UBXN4: variants seen among roughly 807,000 people sequenced by gnomAD.
UBXN4 encodes the protein UBX domain protein 4.
In UBXN4, 35 loss-of-function variants were observed where a neutral mutation model predicts 66.2. The observed-to-expected ratio is 0.53, with a 90% CI of 0.40 to 0.70. UBXN4 has a LOEUF of 0.70. Ranked by LOEUF, UBXN4 falls within the 30% of genes least tolerant of loss-of-function variation. The probability of loss-of-function intolerance (pLI) is 0.00; values close to 1 mark genes in which losing one functional copy is unlikely to be tolerated. For synonymous variants in UBXN4, 203 were observed against 204.5 expected, an observed-to-expected ratio of 0.99 and a Z score of 0.06; for missense variants, 533 against 599.8, an observed-to-expected ratio of 0.89 and a Z score of 1.16.
chr2:135,748,195 G>A (rs2077220989), intron 1 of UBXN4, 72 bp from the exon 2 acceptor site: 8 of 1,211,628 alleles, frequency 6.6e-6, no homozygotes, highest in African/African-American at 3.1e-5. Context: ...TGAGGTTTCC[G>A]TTTTCCAGGG....
chr2:135,782,704 T>G (rs747641956), intron 12 of UBXN4, 45 bp from the exon 13 acceptor site: 1 of 1,596,334 alleles, frequency 6.3e-7, no homozygotes, highest in South Asian at 1.1e-5. Context: ...TACTATTGTT[T>G]TTATTTTATG....
intron 6 of UBXN4, among the ~76,000 whole-genome samples, chr2:135,768,075 A>T (rs935174221): frequency 1.3e-5 from 2 of 152,168 alleles, no homozygotes; most frequent in African/African-American, 2.4e-5. Context: ...ATTTTCATTT[A>T]AAAAAATGAA....
intron 2 of UBXN4, among the ~76,000 whole-genome samples, chr2:135,748,968 T>G (rs552271314): frequency 6.6e-6 from 1 of 151,404 alleles, no homozygotes; most frequent in Admixed American, 6.6e-5. Context: ...CCCAGGAGGT[T>G]GAAGTTGAGG....
At chr2:135,747,348 C>CAAAAAAAAAAAAAAAAAA (rs138276089) in intron 1 of UBXN4, among the ~76,000 whole-genome samples, 1 of 83,514 alleles carries the variant, frequency 1.2e-5, no homozygotes, top group Non-Finnish European at 2.4e-5. Flanking sequence ...AACTCCATCT[C>CAAAAAAAAAAAAAAAAAA]AAAAAAAAAA....
intron 4 of UBXN4, 41 bp from the exon 5 acceptor site, chr2:135,755,476 T>A (rs2077273942): frequency 1.4e-6 from 2 of 1,454,466 alleles, no homozygotes; most frequent in Non-Finnish European, 1.8e-6. Context: ...TAAGTTTAGA[T>A]TCTTATCTAT....
chr2:135,775,195 TGGGATTGTAAA>T (rs2077406195), intron 9 of UBXN4, among the ~76,000 whole-genome samples: 2 of 152,210 alleles, frequency 1.3e-5, no homozygotes, highest in Admixed American at 6.5e-5. Flanking sequence ...GTGTTACTGG[TGGGATTGTAAA>T]ATGATGTAGC....
chr2:135,763,939 A>G (rs539418457), intron 6 of UBXN4, among the ~76,000 whole-genome samples: 1 of 152,256 alleles, frequency 6.6e-6, no homozygotes, highest in South Asian at 2.1e-4. Context: ...AGCCTGGCCA[A>G]CGTGGCGAAA....
intron 4 of UBXN4, among the ~76,000 whole-genome samples, chr2:135,754,612 C>T (rs1032122174): frequency 1.6e-4 from 24 of 151,794 alleles, no homozygotes; most frequent in African/African-American, 5.3e-4. Context: ...TGTGAGCCAC[C>T]GCACCCTTCC....
chr2:135,779,811 A>G lies in UBXN4; in HGVS notation c.1186-372A>G, dbSNP rs929224577. 3.4e-5 allele frequency among the ~76,000 whole-genome samples: 5 copies of G among 147,526 alleles called. No individual in the cohort carries two copies. The East Asian group carries it at 1.0e-3, about 30-fold the overall frequency. On this transcript the variant is annotated intron_variant, in intron 11 of 12. Coordinates refer to ENST00000272638, the MANE Select transcript of UBXN4 (RefSeq NM_014607.4). ...ATAACATAAAATTACAATTGTATATATAATATACAATATTATACAATTATA... is the reference window on the plus strand; with the variant it reads ...ATAACATAAAATTACAATTGTATATGTAATATACAATATTATACAATTATA...
At chr2:135,769,195 T>A (rs1241584336) in intron 6 of UBXN4, among the ~76,000 whole-genome samples, 1 of 151,900 alleles carries the variant, frequency 6.6e-6, no homozygotes, top group Non-Finnish European at 1.5e-5. Flanking sequence ...AGAGACAGAG[T>A]TTTGCCATGT....
chr2:135,757,601 T>A lies in UBXN4; in HGVS notation c.508+1910T>A, dbSNP rs539564007. ...GGTCACATTTTCTTGTTTGTTCATA[T>A]GTCAAAAAATGCTGGATTGTATCTT... On this transcript the variant is annotated intron_variant, in intron 5 of 12. Coordinates refer to ENST00000272638, the MANE Select transcript of UBXN4 (RefSeq NM_014607.4). 2.2e-4 allele frequency among the ~76,000 whole-genome samples: 34 copies of A among 152,294 alleles called. 1 individual carries two copies. Among genetic ancestry groups the A allele is most frequent in the South Asian group, 2.1e-3 (10 of 4,830 alleles).
intron 5 of UBXN4, among the ~76,000 whole-genome samples, chr2:135,760,742 A>G (rs540650662): frequency 1.3e-5 from 2 of 152,336 alleles, no homozygotes; most frequent in Admixed American, 1.3e-4. Context: ...AGTGGTTACC[A>G]CTTCTTATCC....
chr2:135,743,475 G>C (rs998514645), intron 1 of UBXN4, among the ~76,000 whole-genome samples: 1 of 152,106 alleles, frequency 6.6e-6, no homozygotes, highest in African/African-American at 2.4e-5. Flanking sequence ...AATAGAACAG[G>C]TTTAATTATC....
In UBXN4 at chr2:135,764,160, A is replaced by G. The variant is rs200681645; in HGVS notation, c.602+2249A>G. Among the ~76,000 whole-genome samples, 19 of 152,172 alleles carry G rather than the reference A, an allele frequency of 1.2e-4. No homozygotes were observed. In the East Asian group the frequency reaches 3.3e-3, roughly 26 times the overall value. ...AATAAAATAAAATAAAAAATAAAGCAGGATGGATTAGCAAATGTAAGATTC... is the reference window on the plus strand; with the variant it reads ...AATAAAATAAAATAAAAAATAAAGCGGGATGGATTAGCAAATGTAAGATTC... On this transcript the variant is annotated intron_variant, in intron 6 of 12. Coordinates refer to ENST00000272638, the MANE Select transcript of UBXN4 (RefSeq NM_014607.4).
chr2:135,748,107 C>T, intron 1 of UBXN4, 160 bp from the exon 2 acceptor site: 1 of 488,614 alleles, frequency 2.0e-6, no homozygotes, highest in Non-Finnish European at 3.6e-6. Flanking sequence ...ACTGTGTATG[C>T]AGTCACACTT....
At chr2:135,772,020 G>A (rs1321768929) in intron 8 of UBXN4, among the ~76,000 whole-genome samples, 2 of 152,162 alleles carry the variant, frequency 1.3e-5, no homozygotes, top group Non-Finnish European at 2.9e-5. Context: ...CACATATGGT[G>A]TTAGACAATT....
chr2:135,762,361 A>G (rs1335210910), intron 6 of UBXN4, among the ~76,000 whole-genome samples: 7 of 152,210 alleles, frequency 4.6e-5, no homozygotes, highest in Admixed American at 4.6e-4. Context: ...TGTAGTTTCT[A>G]GTATTTTTAA....
chr2:135,769,665 T>C, intron 6 of UBXN4, 104 bp from the exon 7 acceptor site: 1 of 873,090 alleles, frequency 1.1e-6, no homozygotes, highest in Non-Finnish European at 1.6e-6. Context: ...TGTTTGTTTG[T>C]TTCTTTATTT....
chr2:135,781,179 A>G (rs1464458401), intron 12 of UBXN4, among the ~76,000 whole-genome samples: 1 of 152,258 alleles, frequency 6.6e-6, no homozygotes, highest in Non-Finnish European at 1.5e-5. Context: ...AGATTGTGCC[A>G]TTGCACTCCA....
Sources: gnomAD v4.1 joint callset for allele counts (sites outside exome capture counted in the v4.1 genomes callset) on GRCh38, gnomAD v4.1.1 for gene constraint, MANE v1.5 for transcripts, NCBI Gene and HGNC (gene_info 2026-07-23, HGNC 2026-07-21) for gene names.